The following LINGO2 variants were observed in gnomAD, a reference collection of about 807,000 sequenced individuals.
LINGO2 encodes the protein leucine-rich repeat and immunoglobulin-like domain-containing nogo receptor-interacting protein 2.
In LINGO2, 14 loss-of-function variants were observed where a neutral mutation model predicts 30.6. That is an observed-to-expected ratio of 0.46 (90% CI 0.30 to 0.72). The LOEUF is 0.72. Ranked by LOEUF, LINGO2 falls within the 30% of genes least tolerant of loss-of-function variation. The pLI is 0.07. For missense variants in LINGO2, 729 were observed against 751.7 expected, an observed-to-expected ratio of 0.97 and a Z score of 0.35; for synonymous variants, 317 against 288.5, an observed-to-expected ratio of 1.10 and a Z score of -1.00.
At chr9:28,635,661 TA>T (rs1436060636) in intron 1 of LINGO2, among the ~76,000 whole-genome samples, 2 of 152,098 alleles carry the variant, frequency 1.3e-5, no homozygotes, top group Non-Finnish European at 2.9e-5. Flanking sequence ...AATTTGGGTT[TA>T]AAAGTCATAA....
At chr9:28,795,845 C>T in the LINGO2 span, among the ~76,000 whole-genome samples, 1 of 152,070 alleles carries the variant, frequency 6.6e-6, no homozygotes, top group South Asian at 2.1e-4. Context: ...TGGAAGGAAA[C>T]TCATGCTTAT....
At chr9:28,143,065 C>G (rs1247620076) in intron 4 of LINGO2, among the ~76,000 whole-genome samples, 6 of 152,142 alleles carry the variant, frequency 3.9e-5, no homozygotes, top group Admixed American at 3.9e-4. Context: ...GGGTGGGACT[C>G]TAAGCTAACT....
At chr9:28,600,079 C>T (rs1825398100) in intron 1 of LINGO2, among the ~76,000 whole-genome samples, 2 of 151,998 alleles carry the variant, frequency 1.3e-5, no homozygotes, top group Admixed American at 1.3e-4. Context: ...AAAGAGCTAC[C>T]ACAATTCCAC....
the LINGO2 span, among the ~76,000 whole-genome samples, chr9:29,137,196 G>A: frequency 4.6e-5 from 7 of 152,064 alleles, no homozygotes; most frequent in Non-Finnish European, 8.8e-5. Flanking sequence ...GAGACTTCCG[G>A]ACAGTATACC....
intron 4 of LINGO2, among the ~76,000 whole-genome samples, chr9:28,109,144 C>A (rs1296285200): frequency 2.6e-5 from 4 of 152,144 alleles, no homozygotes; most frequent in African/African-American, 9.7e-5. Flanking sequence ...ATGACAAAAA[C>A]CACATGATCA....
chr9:28,671,687 G>A (rs531845378), upstream of LINGO2, among the ~76,000 whole-genome samples: 27 of 152,060 alleles, frequency 1.8e-4, no homozygotes, highest in South Asian at 5.4e-3. Context: ...CACGTACTAT[G>A]CCTATTCATC....
At chr9:27,950,913 T>C (rs941069836) in intron 5 of LINGO2, among the ~76,000 whole-genome samples, 1 of 152,188 alleles carries the variant, frequency 6.6e-6, no homozygotes, top group Non-Finnish European at 1.5e-5. Flanking sequence ...TTTTCCTGGC[T>C]GTGAAATGGG....
chr9:28,000,835 C>T (rs1007977526), intron 5 of LINGO2, among the ~76,000 whole-genome samples: 6 of 152,206 alleles, frequency 3.9e-5, no homozygotes, highest in African/African-American at 1.4e-4. Context: ...TCCAGACTCT[C>T]AAGTTGGGAG....
chr9:28,726,710 T>C, the LINGO2 span, among the ~76,000 whole-genome samples: 1 of 152,198 alleles, frequency 6.6e-6, no homozygotes, highest in Non-Finnish European at 1.5e-5. Context: ...TAGCCTTTCT[T>C]GAACATATTT....
At chr9:28,439,594 T>C (rs1438468725) in intron 2 of LINGO2, among the ~76,000 whole-genome samples, 2 of 152,072 alleles carry the variant, frequency 1.3e-5, no homozygotes, top group East Asian at 1.9e-4. Context: ...TTTTAAAGCA[T>C]ATAGCACCTT....
At chr9:28,485,211 G>A (rs894668181) in intron 1 of LINGO2, among the ~76,000 whole-genome samples, 4 of 152,074 alleles carry the variant, frequency 2.6e-5, no homozygotes, top group Non-Finnish European at 5.9e-5. Context: ...TCAATAAAAA[G>A]CTGAGAAAAG....
At chr9:27,947,873 T>TC (rs1175801210), downstream of LINGO2, among the ~76,000 whole-genome samples, 7 of 152,214 alleles carry the variant, frequency 4.6e-5, no homozygotes, top group African/African-American at 1.4e-4. Context: ...AACCATTACC[T>TC]CTTCTTCCAT....
intron 2 of LINGO2, among the ~76,000 whole-genome samples, chr9:28,455,819 T>C (rs1490975643): frequency 6.6e-6 from 1 of 152,116 alleles, no homozygotes; most frequent in African/African-American, 2.4e-5. Context: ...TTGTAGAGTA[T>C]ACTCTGAAAG....
intron 3 of LINGO2, among the ~76,000 whole-genome samples, chr9:28,331,418 C>T (rs1825414351): frequency 1.3e-5 from 2 of 152,124 alleles, no homozygotes; most frequent in East Asian, 1.9e-4. Flanking sequence ...AAACTGGGCC[C>T]TAAGATATGC....
At chr9:27,984,520 T>C (rs1223812285) in intron 5 of LINGO2, among the ~76,000 whole-genome samples, 3 of 151,862 alleles carry the variant, frequency 2.0e-5, no homozygotes, top group Non-Finnish European at 4.4e-5. Context: ...CTGTCATTCA[T>C]AAGCCTGAGC....
chr9:28,561,499 C>G (rs938000604), intron 1 of LINGO2, among the ~76,000 whole-genome samples: 1 of 149,280 alleles, frequency 6.7e-6, no homozygotes, highest in Non-Finnish European at 1.5e-5. Flanking sequence ...TTATAAAGAA[C>G]CTTATATTTA....
At chr9:28,553,157 T>C (rs920775248) in intron 1 of LINGO2, among the ~76,000 whole-genome samples, 4 of 152,098 alleles carry the variant, frequency 2.6e-5, no homozygotes, top group African/African-American at 9.7e-5. Flanking sequence ...AGAATGACTT[T>C]GACAAGCTGA....
At chr9:29,006,760 T>C in the LINGO2 span, among the ~76,000 whole-genome samples, 2 of 152,058 alleles carry the variant, frequency 1.3e-5, no homozygotes, top group Non-Finnish European at 2.9e-5. Flanking sequence ...TCACCTTACA[T>C]GATCAAATGA....
intron 3 of LINGO2, among the ~76,000 whole-genome samples, chr9:28,367,151 A>G (rs1457528614): frequency 6.7e-6 from 1 of 149,870 alleles, no homozygotes; most frequent in Non-Finnish European, 1.5e-5. Context: ...TATCAGCTCA[A>G]TAATATGATG....
Sources: allele counts gnomAD v4.1 joint callset (sites outside exome capture counted in the v4.1 genomes callset), GRCh38; gene constraint gnomAD v4.1.1; transcripts MANE v1.5; gene names NCBI Gene and HGNC (gene_info 2026-07-23, HGNC 2026-07-21).